Variants in RRP1B observed in about 807,000 individuals in gnomAD.
The protein encoded by RRP1B is ribosomal RNA processing protein 1 homolog B.
A neutral mutation model predicts 80.2 loss-of-function variants in RRP1B; 56 were observed. The observed-to-expected ratio is 0.70, with a 90% CI of 0.56 to 0.87. RRP1B has a LOEUF of 0.87. Ranked by LOEUF, RRP1B falls within the 40% of genes least tolerant of loss-of-function variation. RRP1B has a pLI of 0.00. For synonymous variants in RRP1B, 351 were observed against 357.6 expected (o/e 0.98, Z 0.21); for missense variants, 807 against 939.8 (o/e 0.86, Z 1.85).
rs375680182 is a variant in RRP1B, at chr21:43,675,017, T to C, written c.420-17T>C. ...TGGCATACTGTCATTCACAGAAGCATGCGTTTGGTTCTTTAGCCGAATCAA... is the reference window on the plus strand; with the variant it reads ...TGGCATACTGTCATTCACAGAAGCACGCGTTTGGTTCTTTAGCCGAATCAA... On this transcript the variant is annotated splice_polypyrimidine_tract_variant and intron_variant, in intron 5 of 15. Coordinates refer to ENST00000340648, the MANE Select transcript of RRP1B (RefSeq NM_015056.3). 56 of 1,613,354 alleles carry C rather than the reference T, an allele frequency of 3.5e-5. No homozygotes were observed. The highest frequency in any genetic ancestry group is 4.5e-5 in the Non-Finnish European group (53 of 1,179,692).
intron 6 of RRP1B, among the ~76,000 whole-genome samples, chr21:43,675,888 T>TATTTTATTTC (rs1330818630): frequency 4.6e-5 from 7 of 151,656 alleles, no homozygotes; most frequent in Non-Finnish European, 1.5e-5. Flanking sequence ...TATTTTATTT[T>TATTTTATTTC]ATTTTATTTT....
Position 43,668,928 on chromosome 21 carries a change from G to A in RRP1B, c.131-956G>A, listed in dbSNP as rs561112039. 2.7e-4 allele frequency among the ~76,000 whole-genome samples: 41 copies of A among 152,292 alleles called. 2 individuals are homozygous for A. In the South Asian group the frequency reaches 8.3e-3, roughly 31 times the overall value. The stretch of plus-strand genomic sequence containing the variant: ...TATCATTTTGTGATTCTTTATGTCA[G>A]TCAGCAAATACTTTATGACACCTGG... On this transcript the variant is annotated intron_variant, in intron 1 of 15. Transcript: ENST00000340648.
intron 1 of RRP1B, among the ~76,000 whole-genome samples, chr21:43,663,414 G>A (rs753447552): frequency 2.6e-4 from 40 of 151,878 alleles, no homozygotes; most frequent in Admixed American, 7.2e-4. Flanking sequence ...CCACCACCAC[G>A]CCTGGCTAAT....
intron 10 of RRP1B, 98 bp from the exon 11 acceptor site, chr21:43,685,669 ATTT>A: frequency 1.1e-6 from 1 of 871,920 alleles, no homozygotes; most frequent in East Asian, 3.1e-5. Flanking sequence ...TATGGCTTGT[ATTT>A]TAAAAATCAA....
At chr21:43,675,858 T>TATTTTATTTTA (rs1457230544) in intron 6 of RRP1B, among the ~76,000 whole-genome samples, 6 of 137,970 alleles carry the variant, frequency 4.3e-5, no homozygotes, top group African/African-American at 2.0e-4. Flanking sequence ...TATTTTATTT[T>TATTTTATTTTA]ATTTTATTTT....
rs1201045935 is a variant in RRP1B, at chr21:43,659,909, C to A, written c.130+115C>A. 3 of 1,189,136 alleles carry A rather than the reference C, an allele frequency of 2.5e-6. No homozygotes were observed. Among genetic ancestry groups the A allele is most frequent in the Non-Finnish European group, 3.3e-6 (3 of 910,612 alleles). The allele number at this position is 1,189,136 out of a possible 1,614,324, so 73.7% of individuals were successfully genotyped here. A position where few individuals can be genotyped will look rare whatever the true frequency, so the allele number is the denominator to read the frequency against. On this transcript the variant is annotated intron_variant, in intron 1 of 15. Transcript: ENST00000340648. The surrounding 1 kb of genome is among the most constrained non-coding windows in gnomAD (Gnocchi z 4.2). ...TTCCACGTGTTGTCGTGACACCCAG[C>A]GTGTGCTTCGGTTTCCGCGCTGCCG...
intron 1 of RRP1B, among the ~76,000 whole-genome samples, chr21:43,664,102 A>AAC (rs200122942): frequency 2.0e-5 from 3 of 151,952 alleles, no homozygotes; most frequent in East Asian, 1.9e-4. Context: ...TTCCTAGGTG[A>AAC]ACACACACAC....
At chr21:43,688,288 C>A (rs780132919) in intron 13 of RRP1B, 48 bp downstream of exon 13, 4 of 1,479,894 alleles carry the variant, frequency 2.7e-6, no homozygotes, top group South Asian at 1.4e-5. Context: ...GGCACTCACT[C>A]GCGTCCATGG....
At chr21:43,671,671 G>T (rs960327569) in intron 2 of RRP1B, among the ~76,000 whole-genome samples, 1 of 151,278 alleles carries the variant, frequency 6.6e-6, no homozygotes, top group Non-Finnish European at 1.5e-5. Flanking sequence ...GCCCAGCCCA[G>T]CTTAGATGGG....
At chr21:43,683,872 G>A (rs955047003) in intron 9 of RRP1B, among the ~76,000 whole-genome samples, 12 of 151,156 alleles carry the variant, frequency 7.9e-5, no homozygotes, top group Admixed American at 3.9e-4. Flanking sequence ...CCAGCTACTC[G>A]GGAGGCTGAG....
intron 6 of RRP1B, among the ~76,000 whole-genome samples, chr21:43,675,465 G>A (rs1294456473): frequency 6.6e-6 from 1 of 152,146 alleles, no homozygotes; most frequent in African/African-American, 2.4e-5. Context: ...GCTAGGAAAA[G>A]CTATGCAAAT....
At position 43,695,352 on chromosome 21, in the gene RRP1B, C is replaced by G. The variant is rs1194161521; in HGVS notation, c.*1969C>G. The G allele has an allele frequency of 6.6e-6, 1 of 152,192 alleles. No individual in the cohort carries two copies. Among genetic ancestry groups the G allele is most frequent in the East Asian group, 1.9e-4 (1 of 5,186 alleles). The allele number at this position is 152,192 out of a possible 1,614,324, so 9.4% of individuals were successfully genotyped here. On this transcript the variant is annotated 3_prime_UTR_variant, in exon 16 of 16. Transcript: ENST00000340648. ...GCAGACTATTGCAGGAATGTTTTTT[C>G]CTAGCATTTCTATATTATCTGTCCA...
rs2083063011 is a variant in RRP1B at position 43,686,352 on chromosome 21, CTA to C, written c.1010-450_1010-449del. On this transcript the variant is annotated intron_variant, in intron 11 of 15. Transcript: ENST00000340648. ...CCTAGGAAGGTTTTAATTGGATACT[CTA>C]TGAAGGTAAAAAATGTAATTTCTCA... 1.8e-5 allele frequency: 3 copies of C among 169,780 alleles called. No homozygotes were observed. The South Asian group carries it at 4.4e-4, about 25-fold the overall frequency. The allele number at this position is 169,780 out of a possible 1,614,324, so 10.5% of individuals were successfully genotyped here. A position where few individuals can be genotyped will look rare whatever the true frequency, so the allele number is the denominator to read the frequency against.
chr21:43,684,462 G>GTAAGGAGCCCC (rs1289079516), intron 9 of RRP1B, 91 bp from the exon 10 acceptor site: 16 of 1,110,992 alleles, frequency 1.4e-5, no homozygotes, highest in Non-Finnish European at 2.2e-5. Flanking sequence ...AAATGCTTCA[G>GTAAGGAGCCCC]TAAGGGTTTC....
chr21:43,691,483 G>A lies in RRP1B; in HGVS notation c.2064G>A (p.Leu688=). 6.2e-7 allele frequency: 1 copy of A among 1,614,072 alleles called. No homozygotes were observed. The highest frequency in any genetic ancestry group is 8.5e-7 in the Non-Finnish European group (1 of 1,179,986). Residue 688 remains leucine, a synonymous_variant, in exon 15 of 16, where the codon CTG becomes CTA. Transcript: ENST00000340648. The surrounding 1 kb of genome is among the most constrained non-coding windows in gnomAD (Gnocchi z 4.2). ...GCTCCAAGAAAGTCACCTTTGGGCT[G>A]AACAGAAACATGACTGCCGGTAAGT... ...PSSSKKVTFG[L]NRNMTAEFKK...
Position 43,690,381 on chromosome 21 carries a change from CT to C in RRP1B, c.1961del (p.Leu654ArgfsTer21), listed in dbSNP as rs1415894399. 6.2e-7 allele frequency: 1 copy of C among 1,614,126 alleles called. No homozygotes were observed. On this transcript the variant is annotated frameshift_variant, in exon 14 of 16. Transcript: ENST00000340648. LOFTEE classifies it high-confidence loss of function. ...TGACACCCCCTTCTTACCAAAGCCC[CT>C]GTTCTTCAGAAGAGCCAAGAGCAGC... ...KFDTPFLPKP[L>X]FFRRAKSSTA...
intron 3 of RRP1B, among the ~76,000 whole-genome samples, chr21:43,673,503 G>A (rs1445219909): frequency 2.6e-5 from 4 of 151,864 alleles, no homozygotes; most frequent in African/African-American, 7.3e-5. Flanking sequence ...GTGTGGTGGT[G>A]CACACCTGTA....
intron 13 of RRP1B, 114 bp downstream of exon 13, chr21:43,688,354 C>G (rs1337821856): frequency 7.8e-7 from 1 of 1,278,912 alleles, no homozygotes; most frequent in East Asian, 2.5e-5. Context: ...CCTCTGGACT[C>G]AGCAGCAGTT....
chr21:43,680,563 C>CA (rs1209021304), intron 8 of RRP1B, among the ~76,000 whole-genome samples: 1,708 of 137,270 alleles, frequency 0.012, 22 homozygotes, highest in African/African-American at 0.04. Flanking sequence ...GACGCCATCT[C>CA]AAAAAAAAAA....
Sources: gnomAD v4.1 joint callset for allele counts (sites outside exome capture counted in the v4.1 genomes callset) on GRCh38, gnomAD v4.1.1 for gene constraint, Gnocchi (gnomAD v3.1) non-coding constraint, MANE v1.5 for transcripts, NCBI Gene and HGNC (gene_info 2026-07-23, HGNC 2026-07-21) for gene names.